Variants in SLC35F2 observed in about 807,000 individuals in gnomAD.
SLC35F2 encodes the protein solute carrier family 35 member F2, also known as queuine/queuosine transporter SLC35F2.
In SLC35F2, 25 loss-of-function variants were observed where a neutral mutation model predicts 38.1. The ratio of observed to expected loss-of-function variants is 0.66; its 90% CI spans 0.48 to 0.92. SLC35F2 has a LOEUF of 0.92. SLC35F2 is among the 40% of genes least tolerant of loss of function. SLC35F2 has a pLI of 0.00. For missense variants in SLC35F2, 409 were observed against 452.9 expected (o/e 0.90, Z 0.88); for synonymous variants, 173 against 181.7 (o/e 0.95, Z 0.38).
chr11:107,800,135 G>A (rs1424445985), intron 7 of SLC35F2, among the ~76,000 whole-genome samples: 6 of 151,976 alleles, frequency 3.9e-5, no homozygotes, highest in East Asian at 1.9e-4. Context: ...TGATCCGCCC[G>A]CCTCGGCCTC....
intron 1 of SLC35F2, among the ~76,000 whole-genome samples, chr11:107,845,898 T>A (rs10890768): frequency 6.6e-6 from 1 of 150,670 alleles, no homozygotes; most frequent in Admixed American, 6.6e-5. Flanking sequence ...GGTTGCAGTG[T>A]GCCAAGATCG....
intron 1 of SLC35F2, 77 bp downstream of exon 1, chr11:107,858,581 C>T: frequency 8.3e-7 from 1 of 1,206,476 alleles, no homozygotes; most frequent in South Asian, 4.3e-5. Flanking sequence ...AGAGAGTGTG[C>T]TCCTTGTCCA....
In SLC35F2 at chr11:107,803,155, G is replaced by A. The variant is rs372483128; in HGVS notation, c.785C>T (p.Ala262Val). 1 of 1,595,662 alleles carries A rather than the reference G, an allele frequency of 6.3e-7. No individual in the cohort carries two copies. Among genetic ancestry groups the A allele is most frequent in the Non-Finnish European group, 8.5e-7 (1 of 1,174,326 alleles). Reference sequence around the variant, plus strand: ...CAGGGCAAATGCCACGAACAGCAGGGCTGTGGAAAAAAACATGGAATATCT... The same window carrying A: ...CAGGGCAAATGCCACGAACAGCAGGACTGTGGAAAAAAACATGGAATATCT... Reference protein sequence around the residue: ...IASIHWDWKIALLFVAFALCM... With the variant: ...IASIHWDWKIVLLFVAFALCM... Residue 262 changes from alanine to valine, a missense_variant and splice_region_variant, in exon 7 of 8, where the codon GCC (alanine) becomes GTC (valine). By Grantham distance (64) the Ala-to-Val change is moderately conservative. Transcript: ENST00000525815.
At chr11:107,821,331 T>C in intron 1 of SLC35F2, 1 of 883,832 alleles carries the variant, frequency 1.1e-6, no homozygotes, top group Non-Finnish European at 1.4e-6. Context: ...AAAACTATCT[T>C]CTAAAAAAAG....
At chr11:107,833,348 T>C (rs1329035843) in intron 1 of SLC35F2, among the ~76,000 whole-genome samples, 5 of 151,798 alleles carry the variant, frequency 3.3e-5, no homozygotes, top group Admixed American at 1.3e-4. Flanking sequence ...GGTGAAGCCC[T>C]GTCTCTACTA....
In SLC35F2 at chr11:107,811,711, C is replaced by T. The variant is rs1008444155; in HGVS notation, c.370G>A (p.Val124Met). ...LGLADVEANY[V>M]IVRAYQYTTL... is the part of the protein sequence containing the mutation. ...GTGTACTGGTAGGCTCTGACGATCA[C>T]ATAATTAGCTTCCACATCTGCTAGT... The change falls in exon 3 of 8, where the codon GTG becomes ATG. Residue 124 changes from valine (V) to methionine (M), a missense_variant. Coordinates refer to ENST00000525815, the MANE Select transcript of SLC35F2 (RefSeq NM_017515.5). The T allele has an allele frequency of 2.2e-5, 36 of 1,614,026 alleles. No individual in the cohort carries two copies. Among genetic ancestry groups the T allele is most frequent in the Non-Finnish European group, 2.5e-5 (30 of 1,179,908 alleles).
In SLC35F2 at chr11:107,803,170, A is replaced by G. The variant is rs1472427531; in HGVS notation, c.785-15T>C. ...GAACAGCAGGGCTGTGGAAAAAAAC[A>G]TGGAATATCTAATATTAGGGCAAGA... is the stretch of plus-strand genomic sequence containing the variant. On this transcript the variant is annotated splice_polypyrimidine_tract_variant and intron_variant, in intron 6 of 7. Coordinates refer to ENST00000525815, the MANE Select transcript of SLC35F2 (RefSeq NM_017515.5). 2.5e-6 allele frequency: 4 copies of G among 1,590,458 alleles called. No individual in the cohort carries two copies. The highest frequency in any genetic ancestry group is 3.4e-6 in the Non-Finnish European group (4 of 1,171,960).
At chr11:107,815,557 C>T (rs1211143824) in intron 2 of SLC35F2, among the ~76,000 whole-genome samples, 1 of 149,014 alleles carries the variant, frequency 6.7e-6, no homozygotes, top group Non-Finnish European at 1.5e-5. Flanking sequence ...GACCCTGTCT[C>T]AAAAACAAAC....
intron 1 of SLC35F2, among the ~76,000 whole-genome samples, chr11:107,834,246 G>A (rs908367253): frequency 6.6e-6 from 1 of 152,172 alleles, no homozygotes; most frequent in East Asian, 1.9e-4. Context: ...AGCAAGGCTA[G>A]GTGATTAAAG....
At chr11:107,854,129 C>A (rs1860238478) in intron 1 of SLC35F2, among the ~76,000 whole-genome samples, 1 of 152,100 alleles carries the variant, frequency 6.6e-6, no homozygotes, top group African/African-American at 2.4e-5. Context: ...AACTGTCTGA[C>A]AGTATACAAT....
Position 107,803,161 on chromosome 11 carries a change from G to GAAAAAAAA in SLC35F2, c.785-7_785-6insTTTTTTTT. The GAAAAAAAA allele has an allele frequency of 6.3e-7, 1 of 1,588,548 alleles. No individual in the cohort carries two copies. The highest frequency in any genetic ancestry group is 8.5e-7 in the Non-Finnish European group (1 of 1,171,508). On this transcript the variant is annotated splice_polypyrimidine_tract_variant and splice_region_variant and intron_variant, in intron 6 of 7. Transcript: ENST00000525815. ...AAATGCCACGAACAGCAGGGCTGTGGAAAAAAACATGGAATATCTAATATT... is the reference window on the plus strand; with the variant it reads ...AAATGCCACGAACAGCAGGGCTGTGGAAAAAAAAAAAAAAACATGGAATATCTAATATT...
intron 3 of SLC35F2, among the ~76,000 whole-genome samples, chr11:107,809,149 G>C (rs1418461437): frequency 6.6e-6 from 1 of 151,904 alleles, no homozygotes; most frequent in Non-Finnish European, 1.5e-5. Context: ...CTTCTCATCT[G>C]ATATCTATCA....
intron 1 of SLC35F2, among the ~76,000 whole-genome samples, chr11:107,849,753 C>T (rs1860148805): frequency 6.6e-6 from 1 of 151,910 alleles, no homozygotes; most frequent in African/African-American, 2.4e-5. Context: ...TCAAGTCAAC[C>T]AGAAGAAAGA....
chr11:107,840,918 T>C (rs1860004594), intron 1 of SLC35F2, among the ~76,000 whole-genome samples: 1 of 152,024 alleles, frequency 6.6e-6, no homozygotes, highest in Non-Finnish European at 1.5e-5. Flanking sequence ...CCTGGCCCAG[T>C]GAGGGAAGCG....
chr11:107,831,999 T>C (rs1341804964), intron 1 of SLC35F2, among the ~76,000 whole-genome samples: 1 of 152,228 alleles, frequency 6.6e-6, no homozygotes, highest in Non-Finnish European at 1.5e-5. Flanking sequence ...ACACCAGTTA[T>C]AGTTTCTTAT....
At chr11:107,799,876 T>G (rs1859278543) in intron 7 of SLC35F2, among the ~76,000 whole-genome samples, 2 of 117,084 alleles carry the variant, frequency 1.7e-5, no homozygotes, top group African/African-American at 6.2e-5. Flanking sequence ...GCTTTTTTTT[T>G]GTTTTTGTTT....
At chr11:107,826,756 G>A (rs1179879825) in intron 1 of SLC35F2, among the ~76,000 whole-genome samples, 1 of 152,002 alleles carries the variant, frequency 6.6e-6, no homozygotes, top group Non-Finnish European at 1.5e-5. Context: ...AAAATTGGTA[G>A]CAAAACCTGA....
chr11:107,812,326 G>A (rs1464597510), intron 2 of SLC35F2, among the ~76,000 whole-genome samples: 1 of 152,076 alleles, frequency 6.6e-6, no homozygotes, highest in Non-Finnish European at 1.5e-5. Context: ...TATCATCAGA[G>A]ACCAAGTGTT....
intron 7 of SLC35F2, among the ~76,000 whole-genome samples, chr11:107,798,580 G>C (rs1169020219): frequency 6.6e-6 from 1 of 152,118 alleles, no homozygotes; most frequent in East Asian, 1.9e-4. Context: ...ATCTATACAG[G>C]AAGTTTCTTG....
Sources: allele counts gnomAD v4.1 joint callset (sites outside exome capture counted in the v4.1 genomes callset), GRCh38; gene constraint gnomAD v4.1.1; transcripts MANE v1.5; gene names NCBI Gene and HGNC (gene_info 2026-07-23, HGNC 2026-07-21).